Variants in RREB1 observed in about 807,000 individuals in gnomAD.
The protein encoded by RREB1 is ras-responsive element-binding protein 1.
In RREB1, 27 loss-of-function variants were observed where a neutral mutation model predicts 117.8. The ratio of observed to expected loss-of-function variants is 0.23; its 90% CI spans 0.17 to 0.32. The LOEUF is 0.32. RREB1 is among the 10% of genes least tolerant of loss of function. RREB1 has a pLI of 1.00. For missense variants in RREB1, 2,577 were observed against 2,378.2 expected, an observed-to-expected ratio of 1.08 and a Z score of -1.74; for synonymous variants, 1,298 against 1,026.7, an observed-to-expected ratio of 1.26 and a Z score of -5.05.
At chr6:7,206,926 C>G (rs1766307120) in intron 6 of RREB1, among the ~76,000 whole-genome samples, 1 of 152,146 alleles carries the variant, frequency 6.6e-6, no homozygotes, top group Non-Finnish European at 1.5e-5. Context: ...GCAGGGTGCT[C>G]CACTATTGAA....
chr6:7,169,207 A>G (rs1432392407), intron 1 of RREB1, among the ~76,000 whole-genome samples: 1 of 152,224 alleles, frequency 6.6e-6, no homozygotes, highest in African/African-American at 2.4e-5. Context: ...CCAGGAGAGC[A>G]GATCTTAGGG....
chr6:7,143,020 C>T (rs1366973310), intron 1 of RREB1, among the ~76,000 whole-genome samples: 1 of 152,182 alleles, frequency 6.6e-6, no homozygotes, highest in Non-Finnish European at 1.5e-5. Context: ...AAACAGGTCA[C>T]TTTTACATTT....
At position 7,188,273 on chromosome 6, in the gene RREB1, C is replaced by T. The variant is rs564137100; in HGVS notation, c.261+750C>T. ...TGTGTGCGCGCGCGCACGTGTGTGA[C>T]GGAGTCTCGTTCTGTCGCCCAGGCT... On this transcript the variant is annotated intron_variant, in intron 5 of 12. Transcript: ENST00000379938. 1.4e-3 allele frequency among the ~76,000 whole-genome samples: 209 copies of T among 146,828 alleles called. 1 individual carries two copies. The highest frequency in any genetic ancestry group is 4.3e-3 in the African/African-American group (172 of 39,864).
At chr6:7,126,565 G>C (rs917424902) in intron 1 of RREB1, among the ~76,000 whole-genome samples, 1 of 152,252 alleles carries the variant, frequency 6.6e-6, no homozygotes, top group African/African-American at 2.4e-5. Context: ...CACTGTGCTG[G>C]CAGGACTGTT....
At chr6:7,161,951 T>A (rs1463918427) in intron 1 of RREB1, among the ~76,000 whole-genome samples, 1 of 152,200 alleles carries the variant, frequency 6.6e-6, no homozygotes, top group Non-Finnish European at 1.5e-5. Flanking sequence ...ATCGTGGGCT[T>A]TAAAAATTGT....
intron 1 of RREB1, among the ~76,000 whole-genome samples, chr6:7,148,149 G>T (rs1238849451): frequency 6.6e-6 from 1 of 152,136 alleles, no homozygotes; most frequent in African/African-American, 2.4e-5. Context: ...AAGCCACAAA[G>T]GTGTTAGGAA....
At chr6:7,139,457 G>T (rs1288283439) in intron 1 of RREB1, among the ~76,000 whole-genome samples, 1 of 152,188 alleles carries the variant, frequency 6.6e-6, no homozygotes, top group East Asian at 1.9e-4. Context: ...TAAAATTAAA[G>T]ATCTGGTTTG....
In RREB1 at chr6:7,235,754, T is replaced by C. The variant is rs117584657; in HGVS notation, c.3808+3847T>C. Among the ~76,000 whole-genome samples the C allele has an allele frequency of 5.3e-5, 8 of 152,348 alleles. No individual in the cohort carries two copies. The East Asian group carries it at 1.5e-3, about 29-fold the overall frequency. On this transcript the variant is annotated intron_variant, in intron 10 of 12. Coordinates refer to ENST00000379938, the MANE Select transcript of RREB1 (RefSeq NM_001003699.4). The stretch of plus-strand genomic sequence containing the variant: ...CCCCTCAGCAGATTACTGTACTGTC[T>C]CTACTTTGTCTCAAAACACGTGTTC...
chr6:7,232,151 C>T (rs990549991), intron 10 of RREB1, among the ~76,000 whole-genome samples: 3 of 152,196 alleles, frequency 2.0e-5, no homozygotes, highest in East Asian at 1.9e-4. Flanking sequence ...AGTGTTCATC[C>T]GGGGCGTTTT....
intron 1 of RREB1, among the ~76,000 whole-genome samples, chr6:7,119,434 G>T (rs1241162110): frequency 9.9e-5 from 15 of 152,182 alleles, no homozygotes; most frequent in Admixed American, 9.2e-4. Flanking sequence ...TGTGGCCTTT[G>T]TGTGTGGGGG....
rs1764776504 is a variant in RREB1, at chr6:7,181,206, G to A, written c.-83G>A. 2.5e-6 allele frequency: 1 copy of A among 398,680 alleles called. No individual in the cohort carries two copies. Among genetic ancestry groups the A allele is most frequent in the South Asian group, 1.3e-4 (1 of 7,872 alleles). The allele number at this position is 398,680 out of a possible 1,614,324, so 24.7% of individuals were successfully genotyped here. ...CTCCGTGTGAATGATAGCTACAGCA[G>A]GGGAAAGTTTCATAGTCTATCAGTG... On this transcript the variant is annotated 5_prime_UTR_variant, in exon 3 of 13. Coordinates refer to ENST00000379938, the MANE Select transcript of RREB1 (RefSeq NM_001003699.4).
chr6:7,209,117 A>T (rs1407346450), intron 6 of RREB1, among the ~76,000 whole-genome samples: 2 of 152,200 alleles, frequency 1.3e-5, no homozygotes, highest in Non-Finnish European at 2.9e-5. Context: ...GAACAAAATA[A>T]TTACCATTTT....
intron 3 of RREB1, 60 bp downstream of exon 3, chr6:7,181,306 A>G (rs1447353772): frequency 1.8e-5 from 7 of 399,738 alleles, no homozygotes; most frequent in Non-Finnish European, 3.1e-5. Flanking sequence ...TACCTGCTTT[A>G]TACATATTTT....
chr6:7,190,276 A>T (rs1214632285), intron 6 of RREB1, among the ~76,000 whole-genome samples: 2 of 151,574 alleles, frequency 1.3e-5, no homozygotes, highest in African/African-American at 2.4e-5. Flanking sequence ...CATCTTTAAA[A>T]TGAGATTTTT....
At chr6:7,129,640 A>G (rs1038467893) in intron 1 of RREB1, among the ~76,000 whole-genome samples, 6 of 152,232 alleles carry the variant, frequency 3.9e-5, no homozygotes, top group African/African-American at 4.8e-5. Context: ...CTTTACAGCC[A>G]TAGACTTGTT....
At chr6:7,141,624 A>G (rs1762596416) in intron 1 of RREB1, among the ~76,000 whole-genome samples, 1 of 152,234 alleles carries the variant, frequency 6.6e-6, no homozygotes. Flanking sequence ...CCCGATGGCT[A>G]TTTCAGAATA....
chr6:7,147,282 GT>G (rs1323428759), intron 1 of RREB1, among the ~76,000 whole-genome samples: 3 of 152,322 alleles, frequency 2.0e-5, no homozygotes, highest in South Asian at 2.1e-4. Flanking sequence ...AAATGTAGTT[GT>G]TTTTTTCCCC....
At chr6:7,166,963 A>G (rs1443583405) in intron 1 of RREB1, among the ~76,000 whole-genome samples, 1 of 152,212 alleles carries the variant, frequency 6.6e-6, no homozygotes, top group Non-Finnish European at 1.5e-5. Context: ...GCTTCTTACC[A>G]GAAGCTGGAA....
At chr6:7,196,238 T>G (rs865933774) in intron 6 of RREB1, among the ~76,000 whole-genome samples, 4 of 149,346 alleles carry the variant, frequency 2.7e-5, no homozygotes, top group Admixed American at 6.6e-5. Context: ...TTTGTTTTTT[T>G]TTTTTTTTGC....
Sources: allele counts gnomAD v4.1 joint callset (sites outside exome capture counted in the v4.1 genomes callset), GRCh38; gene constraint gnomAD v4.1.1; transcripts MANE v1.5; gene names NCBI Gene and HGNC (gene_info 2026-07-23, HGNC 2026-07-21).